The following FARS2 variants were observed in gnomAD, a reference collection of about 807,000 sequenced individuals.
FARS2 encodes phenylalanine--tRNA ligase, mitochondrial.
In FARS2, 40 loss-of-function variants were observed where a neutral mutation model predicts 46.4. The observed-to-expected ratio is 0.86, with a 90% CI of 0.67 to 1.12. The LOEUF (loss-of-function observed/expected upper bound fraction) is 1.12. FARS2 is among the 50% of genes most tolerant of loss of function. The pLI, the probability that FARS2 is intolerant of heterozygous loss-of-function variation, is 0.00. For missense variants in FARS2, 513 were observed against 567.9 expected, an observed-to-expected ratio of 0.90 and a Z score of 0.98; for synonymous variants, 234 against 214.9, an observed-to-expected ratio of 1.09 and a Z score of -0.78.
At chr6:5,317,005 ACACT>A (rs1769566934) in intron 1 of FARS2, among the ~76,000 whole-genome samples, 1 of 151,942 alleles carries the variant, frequency 6.6e-6, no homozygotes, top group African/African-American at 2.4e-5. Flanking sequence ...GTACCTAATC[ACACT>A]CACCTCCTGT....
rs535665545 is a variant in FARS2 at position 5,599,997 on chromosome 6, C to T, written c.1066-13172C>T. ...GAGCCACATGCAATGCAAATGGGCT[C>T]TTACTCCCCTGTCTAACTAAAGTAG... On this transcript the variant is annotated intron_variant, in intron 5 of 6. Transcript: ENST00000274680. Among the ~76,000 whole-genome samples the T allele has an allele frequency of 9.2e-5, 14 of 152,216 alleles. No individual in the cohort carries two copies. In the Middle Eastern group the frequency reaches 0.017, roughly 185 times the overall value.
At position 5,536,321 on chromosome 6, in the gene FARS2, G is replaced by A. The variant is rs574004696; in HGVS notation, c.905-8859G>A. ...GCTGGGAATACAGGCGTGAGCCACCGTGCCTGGCCTAATTTATCTCTTTAA... is the reference window on the plus strand; with the variant it reads ...GCTGGGAATACAGGCGTGAGCCACCATGCCTGGCCTAATTTATCTCTTTAA... On this transcript the variant is annotated intron_variant, in intron 4 of 6. Coordinates refer to ENST00000274680, the MANE Select transcript of FARS2 (RefSeq NM_006567.5). Among the ~76,000 whole-genome samples the A allele has an allele frequency of 4.3e-4, 66 of 152,158 alleles. No homozygotes were observed. The South Asian group carries it at 4.4e-3, about 10-fold the overall frequency.
At chr6:5,487,531 A>C (rs1766847085) in intron 4 of FARS2, among the ~76,000 whole-genome samples, 1 of 152,234 alleles carries the variant, frequency 6.6e-6, no homozygotes, top group African/African-American at 2.4e-5. Context: ...TATCGTTGCT[A>C]TTCCCATGTT....
chr6:5,375,581 G>C (rs1581921649), intron 2 of FARS2, among the ~76,000 whole-genome samples: 1 of 152,088 alleles, frequency 6.6e-6, no homozygotes, highest in East Asian at 1.9e-4. Flanking sequence ...TATAGAAAGA[G>C]CCCCAGGTAT....
Position 5,320,299 on chromosome 6 carries a change from CA to C in FARS2, c.-21-48249del, listed in dbSNP as rs571555102. ...CTGCTGCTCTCCAGAGAGATCAACA[CA>C]AGCTAGAAGCAGCTGGAGGGAGGGG... On this transcript the variant is annotated intron_variant, in intron 1 of 6. Transcript: ENST00000274680. 1.3e-3 allele frequency among the ~76,000 whole-genome samples: 197 copies of C among 152,316 alleles called. 1 individual carries two copies. The highest frequency in any genetic ancestry group is 4.5e-3 in the African/African-American group (185 of 41,562).
intron 6 of FARS2, among the ~76,000 whole-genome samples, chr6:5,686,259 T>C (rs980056545): frequency 6.6e-6 from 1 of 152,098 alleles, no homozygotes; most frequent in African/African-American, 2.4e-5. Context: ...CATGCAGGTT[T>C]GTTACATATG....
chr6:5,500,948 G>C (rs1461727967), intron 4 of FARS2, among the ~76,000 whole-genome samples: 1 of 150,312 alleles, frequency 6.7e-6, no homozygotes, highest in Non-Finnish European at 1.5e-5. Flanking sequence ...GAGAGAGAGA[G>C]AGAGAGAGAG....
intron 6 of FARS2, among the ~76,000 whole-genome samples, chr6:5,654,151 G>A (rs1777499604): frequency 6.6e-6 from 1 of 152,146 alleles, no homozygotes; most frequent in Non-Finnish European, 1.5e-5. Context: ...CCACAGAGGA[G>A]CAGCAGGAGC....
intron 4 of FARS2, among the ~76,000 whole-genome samples, chr6:5,459,539 C>T (rs1370126373): frequency 6.6e-6 from 1 of 152,108 alleles, no homozygotes; most frequent in Non-Finnish European, 1.5e-5. Context: ...GCTCCGGTTG[C>T]CTGCTGCCCA....
upstream of FARS2, chr6:5,260,699 A>T: frequency 1.3e-6 from 2 of 1,551,228 alleles, no homozygotes; most frequent in Non-Finnish European, 1.7e-6. Flanking sequence ...CGCCCGGTAC[A>T]GAGATAACAC....
In FARS2 at chr6:5,593,757, G is replaced by A. The variant is rs1412709216; in HGVS notation, c.1066-19412G>A. ...CATTCGATTTTATTCAGGCTCAGGC[G>A]AATTTTTTATGGCATTTCGGGGCAG... is the stretch of plus-strand genomic sequence containing the variant. On this transcript the variant is annotated intron_variant, in intron 5 of 6. Transcript: ENST00000274680. Among the ~76,000 whole-genome samples, 5 of 152,320 alleles carry A rather than the reference G, an allele frequency of 3.3e-5. No individual in the cohort carries two copies. The East Asian group carries it at 5.8e-4, about 18-fold the overall frequency.
intron 1 of FARS2, among the ~76,000 whole-genome samples, chr6:5,354,510 G>A (rs955684920): frequency 4.7e-5 from 7 of 150,138 alleles, no homozygotes; most frequent in Non-Finnish European, 1.0e-4. Flanking sequence ...CTATGCTAGT[G>A]GTTTCCTTTT....
At chr6:5,395,471 T>C (rs1236526402) in intron 2 of FARS2, among the ~76,000 whole-genome samples, 1 of 152,238 alleles carries the variant, frequency 6.6e-6, no homozygotes, top group Non-Finnish European at 1.5e-5. Context: ...ACCTGGGGTC[T>C]TTCTGGCCCT....
chr6:5,261,948 G>T (rs1287818817), intron 1 of FARS2, among the ~76,000 whole-genome samples: 1 of 152,200 alleles, frequency 6.6e-6, no homozygotes, highest in Non-Finnish European at 1.5e-5. Context: ...TCTTATTAAA[G>T]TGGTGGATAA....
chr6:5,709,815 C>T (rs532008436), intron 6 of FARS2, among the ~76,000 whole-genome samples: 3 of 152,046 alleles, frequency 2.0e-5, no homozygotes, highest in South Asian at 2.1e-4. Flanking sequence ...AGCAGAGGCC[C>T]GGGGGCATTC....
Position 5,465,830 on chromosome 6 carries a change from A to T in FARS2, c.904+34658A>T, listed in dbSNP as rs1225454727. Among the ~76,000 whole-genome samples the T allele has an allele frequency of 3.3e-5, 5 of 152,006 alleles. No homozygotes were observed. The East Asian group carries it at 9.7e-4, about 29-fold the overall frequency. On this transcript the variant is annotated intron_variant, in intron 4 of 6. Transcript: ENST00000274680. ...TTTTTTATTTATTTAATTTGAACTT[A>T]TATAACATAAAGACCTCTTCATAGC...
At chr6:5,680,956 C>T (rs1779004464) in intron 6 of FARS2, among the ~76,000 whole-genome samples, 1 of 152,190 alleles carries the variant, frequency 6.6e-6, no homozygotes, top group Non-Finnish European at 1.5e-5. Context: ...TTTTCATCTA[C>T]AGTTAAAAAT....
At chr6:5,393,121 T>C (rs903044175) in intron 2 of FARS2, among the ~76,000 whole-genome samples, 2 of 152,108 alleles carry the variant, frequency 1.3e-5, no homozygotes, top group South Asian at 2.1e-4. Flanking sequence ...ATTTTTCATA[T>C]GTACCTACAT....
chr6:5,416,839 C>G (rs1166829950), intron 3 of FARS2, among the ~76,000 whole-genome samples: 2 of 152,196 alleles, frequency 1.3e-5, no homozygotes, highest in Admixed American at 1.3e-4. Flanking sequence ...ACTTTGAGTG[C>G]TGTTACCCCA....
Sources: allele counts gnomAD v4.1 joint callset (sites outside exome capture counted in the v4.1 genomes callset), GRCh38; gene constraint gnomAD v4.1.1; transcripts MANE v1.5; gene names NCBI Gene and HGNC (gene_info 2026-07-23, HGNC 2026-07-21).